The following UCK2 variants were observed in gnomAD, a reference collection of about 807,000 sequenced individuals.
UCK2 encodes the protein cytidine monophosphokinase 2.
Under a neutral mutation model 30.8 loss-of-function variants are expected in UCK2, and 6 were observed. That is an observed-to-expected ratio of 0.19 (90% CI 0.11 to 0.38). UCK2 has a LOEUF of 0.38. Ranked by LOEUF, UCK2 falls within the 10% of genes least tolerant of loss-of-function variation. UCK2 has a pLI of 1.00. For missense variants in UCK2, 210 were observed against 339.8 expected (o/e 0.62, Z 3.00); for synonymous variants, 125 against 133.6 (o/e 0.94, Z 0.45).
intron 1 of UCK2, among the ~76,000 whole-genome samples, chr1:165,835,624 A>G (rs1654168095): frequency 6.6e-6 from 1 of 152,226 alleles, no homozygotes; most frequent in Admixed American, 6.5e-5. Context: ...TTTTAAATGT[A>G]TCTGATGGGC....
intron 3 of UCK2, among the ~76,000 whole-genome samples, chr1:165,893,813 G>T (rs1306933886): frequency 6.6e-6 from 1 of 152,194 alleles, no homozygotes; most frequent in African/African-American, 2.4e-5. Context: ...CTTGGGAAAT[G>T]ATTAATTCTA....
intron 1 of UCK2, among the ~76,000 whole-genome samples, chr1:165,861,706 GC>G (rs1654913696): frequency 6.9e-6 from 1 of 145,976 alleles, no homozygotes; most frequent in Non-Finnish European, 1.5e-5. Flanking sequence ...TTTATTACAT[GC>G]CTGCTAAGAT....
Position 165,862,681 on chromosome 1 carries a change from G to A in UCK2, c.100-27523G>A, listed in dbSNP as rs373966255. On this transcript the variant is annotated intron_variant, in intron 1 of 6. Coordinates refer to ENST00000367879, the MANE Select transcript of UCK2 (RefSeq NM_012474.5). Reference sequence around the variant, plus strand: ...CCAGCCTCCACTGACTTTAGAGCCAGCCAAGTGAGTTCTAGTTTCAGCCCA... The same window carrying A: ...CCAGCCTCCACTGACTTTAGAGCCAACCAAGTGAGTTCTAGTTTCAGCCCA... 7.2e-5 allele frequency among the ~76,000 whole-genome samples: 11 copies of A among 152,320 alleles called. No individual in the cohort carries two copies. The East Asian group carries it at 1.7e-3, about 24-fold the overall frequency.
intron 1 of UCK2, among the ~76,000 whole-genome samples, chr1:165,873,965 C>G (rs1376455385): frequency 6.6e-6 from 1 of 152,152 alleles, no homozygotes; most frequent in Non-Finnish European, 1.5e-5. Flanking sequence ...TCCTTTAGTT[C>G]TTGGCAATTT....
At chr1:165,833,868 G>T (rs1441938718) in intron 1 of UCK2, among the ~76,000 whole-genome samples, 1 of 151,870 alleles carries the variant, frequency 6.6e-6, no homozygotes, top group Non-Finnish European at 1.5e-5. Flanking sequence ...AACCATTTCA[G>T]TCATTAAGCT....
intron 1 of UCK2, among the ~76,000 whole-genome samples, chr1:165,853,486 ACC>A (rs201586897): frequency 4.4e-4 from 65 of 148,766 alleles, no homozygotes; most frequent in Non-Finnish European, 8.9e-4. Context: ...TCTCTCACCC[ACC>A]CCCGCTCCAA....
intron 1 of UCK2, chr1:165,885,522 C>T (rs974293957): frequency 1.8e-5 from 7 of 391,048 alleles, no homozygotes; most frequent in Non-Finnish European, 3.2e-5. Context: ...TTAACCCTCC[C>T]GACTCCAATT....
intron 1 of UCK2, among the ~76,000 whole-genome samples, chr1:165,851,176 A>G (rs73029467): frequency 6.6e-6 from 1 of 152,150 alleles, no homozygotes; most frequent in East Asian, 1.9e-4. Flanking sequence ...GGTCCAGTGC[A>G]CCTGGGTGTG....
At chr1:165,905,847 T>C in intron 5 of UCK2, 74 bp from the exon 6 acceptor site, 1 of 1,398,174 alleles carries the variant, frequency 7.2e-7, no homozygotes, top group Non-Finnish European at 1.0e-6. Flanking sequence ...CCTTTCCCCA[T>C]ATTCCCTTGG....
At chr1:165,880,406 A>G (rs1019043455) in intron 1 of UCK2, among the ~76,000 whole-genome samples, 5 of 152,170 alleles carry the variant, frequency 3.3e-5, no homozygotes, top group Admixed American at 3.3e-4. Flanking sequence ...GCTCAAGTAA[A>G]AGGGGAAAGA....
In UCK2 at chr1:165,903,189, G is replaced by A. The variant is rs2101888516; in HGVS notation, c.507G>A (p.Arg169=). 6.2e-7 allele frequency: 1 copy of A among 1,613,640 alleles called. No homozygotes were observed. The highest frequency in any genetic ancestry group is 1.7e-4 in the Middle Eastern group (1 of 6,060). The stretch of plus-strand genomic sequence containing the variant: ...TTTTCCCTTCTCTTACAGTATTAAG[G>A]GACATCAGCGAGAGAGGCAGGGATC... The part of the protein sequence containing the change: ...ADTRLSRRVL[R]DISERGRDLE... Residue 169 remains arginine, a synonymous_variant, in exon 5 of 7, where the codon AGG becomes AGA. Transcript: ENST00000367879.
intron 1 of UCK2, among the ~76,000 whole-genome samples, chr1:165,876,069 T>G (rs1199517954): frequency 6.6e-6 from 1 of 152,242 alleles, no homozygotes; most frequent in East Asian, 1.9e-4. Context: ...GGAACCTGGT[T>G]GAAAACCATT....
intron 1 of UCK2, among the ~76,000 whole-genome samples, chr1:165,875,268 A>C (rs1032232736): frequency 6.6e-6 from 1 of 152,192 alleles, no homozygotes; most frequent in African/African-American, 2.4e-5. Flanking sequence ...GTTGCCCGAG[A>C]TATCACTGGT....
intron 3 of UCK2, 87 bp downstream of exon 3, chr1:165,891,409 C>A: frequency 8.1e-7 from 1 of 1,241,958 alleles, no homozygotes; most frequent in Non-Finnish European, 1.2e-6. Context: ...CCTTACCTCT[C>A]GCACTTCAGA....
At position 165,891,271 on chromosome 1, in the gene UCK2, C is replaced by G; in HGVS notation, c.305C>G (p.Thr102Ser). The G allele has an allele frequency of 6.2e-7, 1 of 1,614,226 alleles. No homozygotes were observed. Among genetic ancestry groups the G allele is most frequent in the Non-Finnish European group, 8.5e-7 (1 of 1,180,026 alleles). ...ATTCTCAAAACACTCAAAGAAATCA[C>G]TGAAGGGAAAACAGTCCAGATCCCC... The part of the protein sequence containing the change: ...ELILKTLKEI[T>S]EGKTVQIPVY... Residue 102 changes from threonine to serine, a missense_variant, in exon 3 of 7, where the codon ACT (threonine) becomes AGT (serine). Coordinates refer to ENST00000367879, the MANE Select transcript of UCK2 (RefSeq NM_012474.5).
At chr1:165,866,762 G>A (rs1329500384) in intron 1 of UCK2, among the ~76,000 whole-genome samples, 1 of 152,146 alleles carries the variant, frequency 6.6e-6, no homozygotes, top group Non-Finnish European at 1.5e-5. Flanking sequence ...GAATCACACA[G>A]CATTTGCCTT....
chr1:165,827,725 CCGGCAGCGCCCAGCGG>C lies in UCK2; in HGVS notation c.-104_-89del. ...CAGGCGAGCGACAGCGGCCTCAGCCCCGGCAGCGCCCAGCGGCGGCTGCGGAAAGCGGAGGGAGTCC... is the reference window on the plus strand; with the variant it reads ...CAGGCGAGCGACAGCGGCCTCAGCCCCGGCTGCGGAAAGCGGAGGGAGTCC... On this transcript the variant is annotated 5_prime_UTR_variant, in exon 1 of 7. Transcript: ENST00000367879. The C allele has an allele frequency of 1.9e-6, 2 of 1,048,236 alleles. No individual in the cohort carries two copies. Among genetic ancestry groups the C allele is most frequent in the Middle Eastern group, 2.8e-4 (1 of 3,630 alleles). The allele number at this position is 1,048,236 out of a possible 1,614,324, so 64.9% of individuals were successfully genotyped here. A position where few individuals can be genotyped will look rare whatever the true frequency, so the allele number is the denominator to read the frequency against.
At chr1:165,831,584 C>T (rs188958943) in intron 1 of UCK2, among the ~76,000 whole-genome samples, 5 of 152,210 alleles carry the variant, frequency 3.3e-5, no homozygotes, top group Admixed American at 2.0e-4. Flanking sequence ...GCCTCTGAAA[C>T]GAGAAAAATC....
chr1:165,855,731 C>T (rs1654727758), intron 1 of UCK2, among the ~76,000 whole-genome samples: 1 of 152,060 alleles, frequency 6.6e-6, no homozygotes, highest in African/African-American at 2.4e-5. Flanking sequence ...TGATGGGGAA[C>T]ATGAATATTC....
Sources: allele counts gnomAD v4.1 joint callset (sites outside exome capture counted in the v4.1 genomes callset), GRCh38; gene constraint gnomAD v4.1.1; transcripts MANE v1.5; gene names NCBI Gene and HGNC (gene_info 2026-07-23, HGNC 2026-07-21).